The following FAT3 variants were observed in gnomAD, a reference collection of about 807,000 sequenced individuals.
FAT3 encodes the protein FAT atypical cadherin 3, also known as protocadherin Fat 3.
A neutral mutation model predicts 310.2 loss-of-function variants in FAT3; 95 were observed. The observed-to-expected ratio is 0.31, with a 90% confidence interval of 0.26 to 0.36. The LOEUF (loss-of-function observed/expected upper bound fraction) is 0.36, where lower values mean the gene tolerates loss of function less well. Ranked by LOEUF, FAT3 falls within the 10% of genes least tolerant of loss-of-function variation. FAT3 has a pLI of 1.00. For missense variants in FAT3, 5,408 were observed against 5,715.6 expected (o/e 0.95, Z 1.74); for synonymous variants, 2,314 against 2,192.9 (o/e 1.06, Z -1.54).
chr11:92,672,309 A>G (rs752565140), intron 3 of FAT3, among the ~76,000 whole-genome samples: 1 of 152,222 alleles, frequency 6.6e-6, no homozygotes, highest in Non-Finnish European at 1.5e-5. Context: ...TTTTAGAGTC[A>G]GGCATCCATC....
At chr11:92,468,235 A>C (rs1951821078) in intron 2 of FAT3, among the ~76,000 whole-genome samples, 1 of 152,204 alleles carries the variant, frequency 6.6e-6, no homozygotes, top group Admixed American at 6.6e-5. Context: ...CTGTAATAAC[A>C]GAAAAATCAC....
rs1357687743 is a variant in FAT3, at chr11:92,649,882, T to C, written c.3608-47502T>C. On this transcript the variant is annotated intron_variant, in intron 3 of 27. Transcript: ENST00000525166. ...CACCCACTTTGTATGTTCATATATA[T>C]ATATATATATATATATATATATATA... 9.1e-3 allele frequency among the ~76,000 whole-genome samples: 516 copies of C among 56,576 alleles called. 13 individuals carry two copies. The highest frequency in any genetic ancestry group is 0.019 in the African/African-American group (298 of 15,364). 37.1% of individuals were successfully genotyped at this position (56,576 alleles called of 152,430 possible). A position where few individuals can be genotyped will look rare whatever the true frequency, so the allele number is the denominator to read the frequency against.
intron 3 of FAT3, among the ~76,000 whole-genome samples, chr11:92,552,026 A>G (rs1178348905): frequency 2.6e-5 from 4 of 152,250 alleles, no homozygotes; most frequent in Non-Finnish European, 5.9e-5. Context: ...ACATCTATGT[A>G]GTAGGCAGAT....
In FAT3 at chr11:92,274,713, C is replaced by T. The variant is rs183143031; in HGVS notation, c.-18+49539C>T. On this transcript the variant is annotated intron_variant, in intron 1 of 27. Transcript: ENST00000525166. ...TTTCTTTACTAGTTTAGGGACAGAG[C>T]TATATTATATTTATCTTAAATATCA... Among the ~76,000 whole-genome samples the T allele has an allele frequency of 1.2e-4, 18 of 152,106 alleles. No individual in the cohort carries two copies. In the East Asian group the frequency reaches 3.1e-3, roughly 26 times the overall value.
intron 3 of FAT3, among the ~76,000 whole-genome samples, chr11:92,692,709 A>G (rs1943829720): frequency 6.6e-6 from 1 of 152,240 alleles, no homozygotes; most frequent in Non-Finnish European, 1.5e-5. Flanking sequence ...GGGTACAGAC[A>G]TGAAGAAGTG....
rs958063212 is a variant in FAT3, at chr11:92,565,325, A to G, written c.3607+40377A>G. 1.6e-3 allele frequency among the ~76,000 whole-genome samples: 242 copies of G among 147,692 alleles called. 1 individual carries two copies. Among genetic ancestry groups the G allele is most frequent in the African/African-American group, 3.7e-3 (149 of 40,694 alleles). ...ATTCCTCGACACATACACTCTCCCA[A>G]GACTAAACCAGGAAGAAGTTGCATC... On this transcript the variant is annotated intron_variant, in intron 3 of 27. Transcript: ENST00000525166.
intron 3 of FAT3, among the ~76,000 whole-genome samples, chr11:92,537,910 G>A (rs1006208387): frequency 6.6e-6 from 1 of 152,122 alleles, no homozygotes; most frequent in Non-Finnish European, 1.5e-5. Context: ...GAAGAAGGAA[G>A]CCTTTAGGTT....
intron 3 of FAT3, among the ~76,000 whole-genome samples, chr11:92,598,228 A>ATTTTT (rs202033909): frequency 3.9e-5 from 5 of 129,130 alleles, no homozygotes; most frequent in African/African-American, 1.6e-4. Context: ...ATATATATAT[A>ATTTTT]TATTTTTTTT....
At chr11:92,382,302 C>T (rs1006768223) in intron 2 of FAT3, among the ~76,000 whole-genome samples, 2 of 152,008 alleles carry the variant, frequency 1.3e-5, no homozygotes, top group South Asian at 4.1e-4. Context: ...CACAGAAACT[C>T]CTAGTGGGGG....
chr11:92,619,341 G>C (rs1163201121), intron 3 of FAT3, among the ~76,000 whole-genome samples: 3 of 152,096 alleles, frequency 2.0e-5, no homozygotes, highest in Non-Finnish European at 2.9e-5. Flanking sequence ...TTCTTGTGAT[G>C]ATTTTGGTAT....
chr11:92,789,460 G>A (rs1410881564), intron 7 of FAT3, among the ~76,000 whole-genome samples: 2 of 152,138 alleles, frequency 1.3e-5, no homozygotes, highest in East Asian at 3.8e-4. Context: ...GACAACCACA[G>A]GGCATGGACA....
In FAT3 at chr11:92,535,687, T is replaced by C. The variant is rs560822533; in HGVS notation, c.3607+10739T>C. On this transcript the variant is annotated intron_variant, in intron 3 of 27. Coordinates refer to ENST00000525166, the MANE Select transcript of FAT3 (RefSeq NM_001367949.2). The stretch of plus-strand genomic sequence containing the variant: ...CTTATGATCTAGTTGAATTTAACTA[T>C]CTGGGTTGTTCTAAAAGGGTAGAAG... Among the ~76,000 whole-genome samples, 7 of 152,342 alleles carry C rather than the reference T, an allele frequency of 4.6e-5. No individual in the cohort carries two copies. The East Asian group carries it at 1.3e-3, about 29-fold the overall frequency.
intron 3 of FAT3, among the ~76,000 whole-genome samples, chr11:92,646,410 A>G (rs1004246823): frequency 6.6e-6 from 1 of 152,172 alleles, no homozygotes; most frequent in Non-Finnish European, 1.5e-5. Context: ...TACTTCTACC[A>G]TATTCTATTG....
intron 19 of FAT3, among the ~76,000 whole-genome samples, chr11:92,853,811 A>G (rs527651771): frequency 2.6e-5 from 4 of 152,252 alleles, no homozygotes; most frequent in African/African-American, 9.6e-5. Flanking sequence ...GAGGACATGC[A>G]TGCTGATTGG....
chr11:92,659,803 G>A (rs1942715511), intron 3 of FAT3, among the ~76,000 whole-genome samples: 1 of 152,196 alleles, frequency 6.6e-6, no homozygotes, highest in African/African-American at 2.4e-5. Context: ...AGTGGGAGAG[G>A]TGGAGGTGGG....
rs143001477 is a variant in FAT3 at position 92,836,456 on chromosome 11, C to A, written c.10087-110C>A. 187 of 1,269,852 alleles carry A rather than the reference C, an allele frequency of 1.5e-4. No homozygotes were observed. The East Asian group carries it at 4.2e-3, about 28-fold the overall frequency. The allele number at this position is 1,269,852 out of a possible 1,614,324, so 78.7% of individuals were successfully genotyped here. On this transcript the variant is annotated intron_variant, in intron 15 of 27. Transcript: ENST00000525166. ...TCACTAACATTAGAGAGCAGAGCTC[C>A]CGAGAAAACTGTCACAGCTGCACCC...
chr11:92,297,081 A>G (rs1187155), intron 1 of FAT3, among the ~76,000 whole-genome samples: 106,271 of 151,924 alleles, frequency 0.7, 37,391 homozygotes, highest in African/African-American at 0.77. Flanking sequence ...TAAGAGAAGG[A>G]GAAGGAACAA....
At chr11:92,374,807 C>T (rs1368452070) in intron 2 of FAT3, among the ~76,000 whole-genome samples, 2 of 151,730 alleles carry the variant, frequency 1.3e-5, no homozygotes, top group African/African-American at 4.9e-5. Context: ...CATCTTCCTT[C>T]TGAAATTCCA....
At chr11:92,262,522 C>G (rs1169508464) in intron 1 of FAT3, among the ~76,000 whole-genome samples, 1 of 152,076 alleles carries the variant, frequency 6.6e-6, no homozygotes, top group African/African-American at 2.4e-5. Context: ...CAGGTCAGAA[C>G]TCAGAAAAGA....
Sources: gnomAD v4.1 joint callset for allele counts (sites outside exome capture counted in the v4.1 genomes callset) on GRCh38, gnomAD v4.1.1 for gene constraint, MANE v1.5 for transcripts, NCBI Gene and HGNC (gene_info 2026-07-23, HGNC 2026-07-21) for gene names.